Variants in SPESP1 observed in about 807,000 individuals in gnomAD.
SPESP1 encodes sperm equatorial segment protein 1.
SPESP1 carries 1 observed loss-of-function variant against 3.1 expected under a neutral mutation model. The observed-to-expected ratio is 0.33, with a 90% CI of 0.12 to 1.54. The LOEUF is 1.54. Ranked by LOEUF, SPESP1 falls within the 40% of genes most tolerant of loss-of-function variation. The pLI, the probability that SPESP1 is intolerant of heterozygous loss-of-function variation, is 0.38. For missense variants in SPESP1, 398 were observed against 410.1 expected, an observed-to-expected ratio of 0.97 and a Z score of 0.26; for synonymous variants, 138 against 150.7, an observed-to-expected ratio of 0.92 and a Z score of 0.62.
chr15:68,930,761 G>C, intron 1 of SPESP1, 44 bp downstream of exon 1: 1 of 1,612,926 alleles, frequency 6.2e-7, no homozygotes, highest in Non-Finnish European at 8.5e-7. Context: ...GGACACCCTG[G>C]GGGAACTTCC....
At chr15:68,935,330 A>T (rs1446343617) in intron 1 of SPESP1, among the ~76,000 whole-genome samples, 1 of 152,168 alleles carries the variant, frequency 6.6e-6, no homozygotes, top group East Asian at 1.9e-4. Flanking sequence ...GGTTCACTAG[A>T]CTCAGCTGGG....
rs561375111 is a variant in SPESP1 at position 68,934,625 on chromosome 15, A to C, written c.64+3908A>C. On this transcript the variant is annotated intron_variant, in intron 1 of 1. Coordinates refer to ENST00000310673, the MANE Select transcript of SPESP1 (RefSeq NM_145658.4). Reference sequence around the variant, plus strand: ...CCATTGATGTTTTATGGGGGAAAAAAGTCCTGTCTTTCTGTTCTGTTGATC... The same window carrying C: ...CCATTGATGTTTTATGGGGGAAAAACGTCCTGTCTTTCTGTTCTGTTGATC... Among the ~76,000 whole-genome samples the C allele has an allele frequency of 5.9e-5, 9 of 152,324 alleles. No homozygotes were observed. In the East Asian group the frequency reaches 7.7e-4, roughly 13 times the overall value.
intron 1 of SPESP1, among the ~76,000 whole-genome samples, chr15:68,931,635 A>G (rs1307199575): frequency 6.6e-6 from 1 of 152,242 alleles, no homozygotes; most frequent in East Asian, 1.9e-4. Context: ...TTAGTTAAGC[A>G]GGATTATAAC....
intron 1 of SPESP1, among the ~76,000 whole-genome samples, chr15:68,940,880 A>C (rs1895805360): frequency 6.6e-6 from 1 of 151,852 alleles, no homozygotes; most frequent in African/African-American, 2.4e-5. Context: ...TTGCAAAATG[A>C]TCATATTTTA....
chr15:68,931,623 C>T (rs1258052438), intron 1 of SPESP1, among the ~76,000 whole-genome samples: 1 of 152,180 alleles, frequency 6.6e-6, no homozygotes, highest in African/African-American at 2.4e-5. Flanking sequence ...GCATTCAAAG[C>T]CTTAGTTAAG....
chr15:68,930,596 C>T lies in SPESP1; in HGVS notation c.-58C>T. 1.9e-6 allele frequency: 3 copies of T among 1,610,158 alleles called. No homozygotes were observed. The highest frequency in any genetic ancestry group is 2.5e-6 in the Non-Finnish European group (3 of 1,177,214). On this transcript the variant is annotated 5_prime_UTR_variant, in exon 1 of 2. Transcript: ENST00000310673. Reference sequence around the variant, plus strand: ...ACCTTCCCTTTCGGCCTTGAGGTTCCCAGCCTGGTGGCCCCAGGACGTTCC... The same window carrying T: ...ACCTTCCCTTTCGGCCTTGAGGTTCTCAGCCTGGTGGCCCCAGGACGTTCC...
intron 1 of SPESP1, among the ~76,000 whole-genome samples, chr15:68,931,820 T>C (rs993188843): frequency 6.6e-6 from 1 of 152,210 alleles, no homozygotes. Context: ...TGTAGTTCAT[T>C]GTGGCATTTA....
chr15:68,943,037 A>T (rs1895867243), intron 1 of SPESP1, among the ~76,000 whole-genome samples: 1 of 152,066 alleles, frequency 6.6e-6, no homozygotes. Flanking sequence ...TTAAAAAAAT[A>T]AATGTGACTT....
At position 68,946,116 on chromosome 15, in the gene SPESP1, A is replaced by C. The variant is rs752915838; in HGVS notation, c.582A>C (p.Thr194=). The change falls in exon 2 of 2, where the codon ACA becomes ACC. Residue 194 remains threonine, a synonymous_variant. Coordinates refer to ENST00000310673, the MANE Select transcript of SPESP1 (RefSeq NM_145658.4). ...AGAGCACTGGCATTGGGATCTCTACAGAATCAGAAGATGTTCCTCAGCTCT... is the reference window on the plus strand; with the variant it reads ...AGAGCACTGGCATTGGGATCTCTACCGAATCAGAAGATGTTCCTCAGCTCT... ...LDKSTGIGIS[T]ESEDVPQLSG... is the part of the protein sequence containing the mutation. 8 of 1,614,222 alleles carry C rather than the reference A, an allele frequency of 5.0e-6. No individual in the cohort carries two copies. The highest frequency in any genetic ancestry group is 6.8e-6 in the Non-Finnish European group (8 of 1,180,016).
At chr15:68,934,309 T>C (rs1442403172) in intron 1 of SPESP1, among the ~76,000 whole-genome samples, 1 of 152,142 alleles carries the variant, frequency 6.6e-6, no homozygotes, top group Non-Finnish European at 1.5e-5. Context: ...AGGGAAACAA[T>C]AAGGCAGCAA....
intron 1 of SPESP1, among the ~76,000 whole-genome samples, chr15:68,940,261 C>A (rs979034615): frequency 6.6e-6 from 1 of 152,148 alleles, no homozygotes; most frequent in East Asian, 1.9e-4. Flanking sequence ...CATTCCTTTT[C>A]CTCTCACTTC....
At chr15:68,931,684 A>C (rs938765282) in intron 1 of SPESP1, among the ~76,000 whole-genome samples, 3 of 152,162 alleles carry the variant, frequency 2.0e-5, no homozygotes, top group Non-Finnish European at 4.4e-5. Flanking sequence ...CCCTCCCCGA[A>C]AGCTGAAAAC....
At position 68,930,551 on chromosome 15, in the gene SPESP1, C is replaced by A; in HGVS notation, c.-103C>A. 1.3e-6 allele frequency: 2 copies of A among 1,495,458 alleles called. No individual in the cohort carries two copies. Among genetic ancestry groups the A allele is most frequent in the South Asian group, 1.2e-5 (1 of 86,274 alleles). 92.6% of individuals were successfully genotyped at this position (1,495,458 alleles called of 1,614,324 possible). A position where few individuals can be genotyped will look rare whatever the true frequency, so the allele number is the denominator to read the frequency against. On this transcript the variant is annotated 5_prime_UTR_variant, in exon 1 of 2. Transcript: ENST00000310673. ...TTGCTGGGTGTCCCAGGGCCTGAGG[C>A]AGGACGGTACTCCGCTGACACCTTC...
chr15:68,930,627 C>T lies in SPESP1; in HGVS notation c.-27C>T. On this transcript the variant is annotated 5_prime_UTR_variant, in exon 1 of 2. Transcript: ENST00000310673. ...TGGTGGCCCCAGGACGTTCCGGTCG[C>T]ATGGCAGAGTGCTACGGACGACGCC... The T allele has an allele frequency of 1.9e-6, 3 of 1,613,652 alleles. No individual in the cohort carries two copies. The highest frequency in any genetic ancestry group is 2.5e-6 in the Non-Finnish European group (3 of 1,179,648).
intron 1 of SPESP1, among the ~76,000 whole-genome samples, chr15:68,943,097 G>A (rs577607040): frequency 2.0e-5 from 3 of 151,720 alleles, no homozygotes; most frequent in South Asian, 4.2e-4. Flanking sequence ...GTGTGTGTGT[G>A]TATGTGTGTG....
At chr15:68,931,883 T>TA (rs987586917) in intron 1 of SPESP1, among the ~76,000 whole-genome samples, 8 of 152,140 alleles carry the variant, frequency 5.3e-5, no homozygotes, top group Non-Finnish European at 7.3e-5. Context: ...TTAACAGGTG[T>TA]AAAAAAAGCG....
intron 1 of SPESP1, among the ~76,000 whole-genome samples, chr15:68,941,846 G>A (rs1252040574): frequency 6.6e-6 from 1 of 152,032 alleles, no homozygotes; most frequent in Non-Finnish European, 1.5e-5. Context: ...ATATTTTATG[G>A]TTATGTATAT....
At position 68,934,161 on chromosome 15, in the gene SPESP1, C is replaced by A. The variant is rs574459546; in HGVS notation, c.64+3444C>A. On this transcript the variant is annotated intron_variant, in intron 1 of 1. Transcript: ENST00000310673. Reference sequence around the variant, plus strand: ...CCTCTAGATCATCTCTTGGTATAGACTAGGAAAAATAGGGTTAGTCTAGGA... The same window carrying A: ...CCTCTAGATCATCTCTTGGTATAGAATAGGAAAAATAGGGTTAGTCTAGGA... Among the ~76,000 whole-genome samples, 9 of 152,008 alleles carry A rather than the reference C, an allele frequency of 5.9e-5. No individual in the cohort carries two copies. The East Asian group carries it at 1.5e-3, about 26-fold the overall frequency.
chr15:68,936,309 A>G lies in SPESP1; in HGVS notation c.64+5592A>G, dbSNP rs146767839. Among the ~76,000 whole-genome samples the G allele has an allele frequency of 1.3e-4, 20 of 152,378 alleles. No individual in the cohort carries two copies. In the East Asian group the frequency reaches 3.5e-3, roughly 26 times the overall value. ...ATTTTGGGTGCAATCAGCAGTTGCC[A>G]TATCAAGGCTACTGGCCAAGGGCAA... On this transcript the variant is annotated intron_variant, in intron 1 of 1. Coordinates refer to ENST00000310673, the MANE Select transcript of SPESP1 (RefSeq NM_145658.4).
Sources: allele counts gnomAD v4.1 joint callset (sites outside exome capture counted in the v4.1 genomes callset), GRCh38; gene constraint gnomAD v4.1.1; transcripts MANE v1.5; gene names NCBI Gene and HGNC (gene_info 2026-07-23, HGNC 2026-07-21).